Variants in AKAP13 observed in about 807,000 individuals in gnomAD.
The protein encoded by AKAP13 is A-kinase anchor protein 13.
In AKAP13, 80 loss-of-function variants were observed where a neutral mutation model predicts 264.5. That is an observed-to-expected ratio of 0.30 (90% CI 0.25 to 0.36). The LOEUF is 0.36. AKAP13 is among the 10% of genes least tolerant of loss of function. The pLI, the probability that AKAP13 is intolerant of heterozygous loss-of-function variation, is 1.00. For missense variants in AKAP13, 3,712 were observed against 3,435.2 expected (o/e 1.08, Z -2.01); for synonymous variants, 1,380 against 1,250.2 (o/e 1.10, Z -2.19).
At position 85,485,737 on chromosome 15, in the gene AKAP13, A is replaced by G. The variant is rs1354045051; in HGVS notation, c.17A>G (p.Gln6Arg). Residue 6 changes from glutamine (Q) to arginine (R), a missense_variant, in exon 2 of 37, where the codon CAG (glutamine) becomes CGG (arginine). Transcript: ENST00000394518. Reference sequence around the variant, plus strand: ...TCCTGGGTCATGAAACTTAATCCACAGCAAGCTCCCTTATATGTGAGTAAA... The same window carrying G: ...TCCTGGGTCATGAAACTTAATCCACGGCAAGCTCCCTTATATGTGAGTAAA... MKLNPQQAPLYGDCVV... is the reference protein window; with the variant it reads MKLNPRQAPLYGDCVV... The G allele has an allele frequency of 3.7e-6, 6 of 1,613,248 alleles. No homozygotes were observed. In the Admixed American group the frequency reaches 6.7e-5, roughly 18 times the overall value.
At chr15:85,742,127 A>T (rs891731818) in intron 35 of AKAP13, among the ~76,000 whole-genome samples, 1 of 152,252 alleles carries the variant, frequency 6.6e-6, no homozygotes, top group Admixed American at 6.5e-5. Flanking sequence ...TTGCATCTCT[A>T]AGAGGCTGAA....
intron 5 of AKAP13, among the ~76,000 whole-genome samples, chr15:85,562,672 C>CTTTCTTTTCT (rs1182740449): frequency 8.9e-6 from 1 of 111,956 alleles, no homozygotes; most frequent in African/African-American, 3.2e-5. Flanking sequence ...CTTTCCTTTT[C>CTTTCTTTTCT]TTTCTTTTCT....
rs529841280 is a variant in AKAP13, at chr15:85,660,174, G to A, written c.4799+1584G>A. Among the ~76,000 whole-genome samples, 10 of 152,048 alleles carry A rather than the reference G, an allele frequency of 6.6e-5. No individual in the cohort carries two copies. In the South Asian group the frequency reaches 2.1e-3, roughly 32 times the overall value. On this transcript the variant is annotated intron_variant, in intron 12 of 36. Transcript: ENST00000394518. ...TTGAGACCTGCCTGGGAAACATGGTGAAACCTCATCTCTACTAAAAACACA... is the reference window on the plus strand; with the variant it reads ...TTGAGACCTGCCTGGGAAACATGGTAAAACCTCATCTCTACTAAAAACACA...
chr15:85,452,405 G>A (rs781412517), intron 1 of AKAP13, among the ~76,000 whole-genome samples: 5 of 152,024 alleles, frequency 3.3e-5, no homozygotes, highest in Non-Finnish European at 7.4e-5. Context: ...AACTGTTGTT[G>A]GAGAACTGGT....
intron 1 of AKAP13, among the ~76,000 whole-genome samples, chr15:85,397,360 A>C (rs966233214): frequency 2.6e-5 from 4 of 152,212 alleles, no homozygotes; most frequent in Non-Finnish European, 4.4e-5. Context: ...TGGCAGTCTA[A>C]AGATGATCAC....
intron 1 of AKAP13, among the ~76,000 whole-genome samples, chr15:85,415,929 G>A (rs546053666): frequency 6.6e-6 from 1 of 152,148 alleles, no homozygotes; most frequent in African/African-American, 2.4e-5. Context: ...TTAAAGCCTG[G>A]TGGTTCAGTA....
intron 2 of AKAP13, among the ~76,000 whole-genome samples, chr15:85,497,269 A>T (rs2075897565): frequency 6.6e-6 from 1 of 152,226 alleles, no homozygotes; most frequent in Non-Finnish European, 1.5e-5. Flanking sequence ...AGATTCTTTC[A>T]CTGGGGAGGA....
intron 8 of AKAP13, among the ~76,000 whole-genome samples, chr15:85,597,331 T>C (rs2079862574): frequency 6.6e-6 from 1 of 152,168 alleles, no homozygotes; most frequent in Non-Finnish European, 1.5e-5. Context: ...CTTGCCCACC[T>C]CTGTCTTAGA....
rs2085555067 is a variant in AKAP13, at chr15:85,696,147, G to C, written c.5464+2696G>C. The stretch of plus-strand genomic sequence containing the variant: ...TTGCCATTTTCTTGTTTTCTGGTTA[G>C]TTATTAGTATGATTAGTATTGTCTT... On this transcript the variant is annotated intron_variant, in intron 17 of 36. Transcript: ENST00000394518. Among the ~76,000 whole-genome samples the C allele has an allele frequency of 2.0e-5, 3 of 152,310 alleles. No individual in the cohort carries two copies. In the South Asian group the frequency reaches 6.2e-4, roughly 32 times the overall value.
At chr15:85,598,205 C>G (rs1394170578) in intron 8 of AKAP13, among the ~76,000 whole-genome samples, 2 of 152,116 alleles carry the variant, frequency 1.3e-5, no homozygotes, top group Non-Finnish European at 2.9e-5. Context: ...CCATGCTGGG[C>G]TAGAGAAGAA....
chr15:85,503,037 T>C (rs987882064), intron 2 of AKAP13, among the ~76,000 whole-genome samples: 1 of 152,192 alleles, frequency 6.6e-6, no homozygotes, highest in Non-Finnish European at 1.5e-5. Flanking sequence ...TGGGAATGGA[T>C]GGGAACATTT....
intron 2 of AKAP13, among the ~76,000 whole-genome samples, chr15:85,505,256 A>G (rs1436924037): frequency 6.6e-6 from 1 of 152,202 alleles, no homozygotes; most frequent in Non-Finnish European, 1.5e-5. Flanking sequence ...GAGTAGATTT[A>G]TTGAGCGCCA....
intron 14 of AKAP13, among the ~76,000 whole-genome samples, chr15:85,674,466 C>G (rs570587758): frequency 1.3e-5 from 2 of 152,208 alleles, no homozygotes; most frequent in East Asian, 3.9e-4. Flanking sequence ...TACTTCTGAC[C>G]CCAAGCATTT....
chr15:85,609,735 A>C (rs189797502), intron 8 of AKAP13, among the ~76,000 whole-genome samples: 3 of 152,336 alleles, frequency 2.0e-5, no homozygotes, highest in Non-Finnish European at 4.4e-5. Context: ...AATCTGATGC[A>C]TGTAACCAGA....
intron 6 of AKAP13, among the ~76,000 whole-genome samples, chr15:85,578,356 A>AT (rs2079082300): frequency 6.6e-6 from 1 of 151,930 alleles, no homozygotes; most frequent in Admixed American, 6.6e-5. Context: ...TTTTATTTTT[A>AT]TTTTTTTTAA....
intron 1 of AKAP13, among the ~76,000 whole-genome samples, chr15:85,426,680 GCA>G (rs1376479790): frequency 1.3e-5 from 2 of 152,112 alleles, no homozygotes; most frequent in African/African-American, 4.8e-5. Context: ...TATTTGTCTA[GCA>G]CAGTTTCTAC....
At chr15:85,662,536 G>C in intron 12 of AKAP13, 2 of 1,519,384 alleles carry the variant, frequency 1.3e-6, no homozygotes, top group South Asian at 1.1e-5. Context: ...GCTGGCTTCT[G>C]TGTGGCTGGG....
chr15:85,408,543 A>G (rs755702480), intron 1 of AKAP13, among the ~76,000 whole-genome samples: 1 of 151,770 alleles, frequency 6.6e-6, no homozygotes, highest in Non-Finnish European at 1.5e-5. Flanking sequence ...GGATTTGACT[A>G]TTCTGGGTAC....
At chr15:85,734,608 A>C (rs941474435) in intron 30 of AKAP13, among the ~76,000 whole-genome samples, 1 of 152,244 alleles carries the variant, frequency 6.6e-6, no homozygotes, top group Non-Finnish European at 1.5e-5. Flanking sequence ...AACTCACTCC[A>C]TATTGGCAAA....
Sources: gnomAD v4.1 joint callset for allele counts (sites outside exome capture counted in the v4.1 genomes callset) on GRCh38, gnomAD v4.1.1 for gene constraint, MANE v1.5 for transcripts, NCBI Gene and HGNC (gene_info 2026-07-23, HGNC 2026-07-21) for gene names.